Variants in ACAT1 observed in about 807,000 individuals in gnomAD.
The protein encoded by ACAT1 is acetyl-CoA acetyltransferase 1.
In ACAT1, 28 loss-of-function variants were observed where a neutral mutation model predicts 47.3. That is an observed-to-expected ratio of 0.59 (90% CI 0.44 to 0.81). The LOEUF is 0.81. Ranked by LOEUF, ACAT1 falls within the 30% of genes least tolerant of loss-of-function variation. The pLI, the probability that ACAT1 is intolerant of heterozygous loss-of-function variation, is 0.00. For missense variants in ACAT1, 469 were observed against 524.3 expected, an observed-to-expected ratio of 0.89 and a Z score of 1.03; for synonymous variants, 181 against 173.6, an observed-to-expected ratio of 1.04 and a Z score of -0.34.
chr11:108,135,192 G>C lies in ACAT1; in HGVS notation c.385G>C (p.Gly129Arg). The C allele has an allele frequency of 6.2e-7, 1 of 1,613,858 alleles. No homozygotes were observed. The highest frequency in any genetic ancestry group is 8.5e-7 in the Non-Finnish European group (1 of 1,179,864). ...CTTINKVCAS[G>R]MKAIMMASQS... is the part of the protein sequence containing the mutation. The stretch of plus-strand genomic sequence containing the variant: ...CACCATAAACAAAGTTTGTGCTTCA[G>C]GAATGAAAGCCATCATGATGGCCTC... The change falls in exon 5 of 12, where the codon GGA (glycine) becomes CGA (arginine). Residue 129 changes from glycine to arginine, a missense_variant. Transcript: ENST00000265838.
At chr11:108,136,022 C>G (rs1488048575) in intron 5 of ACAT1, 1 of 593,352 alleles carries the variant, frequency 1.7e-6, no homozygotes, top group East Asian at 2.9e-5. Flanking sequence ...TTAAGTTCTA[C>G]AGGCTTTCTA....
intron 1 of ACAT1, among the ~76,000 whole-genome samples, chr11:108,131,378 G>GTTTTTTTTTT (rs1591359796): frequency 1.5e-4 from 1 of 6,746 alleles, no homozygotes; most frequent in Admixed American, 1.5e-3. Context: ...TTTTTAGACA[G>GTTTTTTTTTT]TCTTGCTTTG....
upstream of ACAT1, among the ~76,000 whole-genome samples, chr11:108,119,444 C>T (rs2077113173): frequency 6.6e-6 from 1 of 152,106 alleles, no homozygotes; most frequent in Non-Finnish European, 1.5e-5. Context: ...TTCAAATGAT[C>T]CACTCACCTG....
In ACAT1 at chr11:108,147,323, A is replaced by G. The variant is rs147872303; in HGVS notation, c.1217A>G (p.Glu406Gly). 836 of 1,613,782 alleles carry G rather than the reference A, an allele frequency of 5.2e-4. No individual in the cohort carries two copies. Among genetic ancestry groups the G allele is most frequent in the Non-Finnish European group, 6.4e-4 (755 of 1,179,948 alleles). ...TTGACTCATGCCTTGAAGCAAGGAG[A>G]ATACGGTCTTGCCAGTATTTGCAAT... ...GHLTHALKQG[E>G]YGLASICNGG... Residue 406 changes from glutamate to glycine, a missense_variant, in exon 12 of 12, where the codon GAA becomes GGA. Coordinates refer to ENST00000265838, the MANE Select transcript of ACAT1 (RefSeq NM_000019.4).
At chr11:108,141,455 T>C in intron 7 of ACAT1, 150 bp from the exon 8 acceptor site, 1 of 630,802 alleles carries the variant, frequency 1.6e-6, no homozygotes, top group Non-Finnish European at 2.8e-6. Flanking sequence ...AGGTTATAGT[T>C]AACAGATTCT....
chr11:108,145,213 CAG>C (rs760981317), intron 10 of ACAT1, among the ~76,000 whole-genome samples: 2 of 152,268 alleles, frequency 1.3e-5, no homozygotes, highest in Non-Finnish European at 2.9e-5. Flanking sequence ...CAAAACAAAA[CAG>C]ATCATATAGT....
At chr11:108,142,874 C>A in intron 9 of ACAT1, 1 of 281,370 alleles carries the variant, frequency 3.6e-6, no homozygotes, top group Non-Finnish European at 7.0e-6. Flanking sequence ...ATAAGCTCTT[C>A]ATGAAATTGA....
chr11:108,140,031 A>G, intron 6 of ACAT1, 34 bp from the exon 7 acceptor site: 1 of 1,597,226 alleles, frequency 6.3e-7, no homozygotes, highest in Non-Finnish European at 8.5e-7. Flanking sequence ...AAATTATGCA[A>G]AGTTAACTTT....
rs775668624 is a variant in ACAT1 at position 108,121,628 on chromosome 11, C to G, written c.22C>G (p.Leu8Val). The G allele has an allele frequency of 1.3e-6, 2 of 1,550,782 alleles. No individual in the cohort carries two copies. The highest frequency in any genetic ancestry group is 3.9e-5 in the Admixed American group (2 of 51,144). MAVLAAL[L>V]RSGARSRSPL... is the part of the protein sequence containing the mutation. ...GACCATGGCTGTGCTGGCGGCACTT[C>G]TGCGCAGCGGCGCCCGCAGCCGCAG... Residue 8 changes from leucine to valine, a missense_variant, in exon 1 of 12, where the codon CTG (leucine) becomes GTG (valine). Leu to Val is a conservative substitution (Grantham distance 32, BLOSUM62 1). Coordinates refer to ENST00000265838, the MANE Select transcript of ACAT1 (RefSeq NM_000019.4).
chr11:108,127,878 A>G (rs1203450427), intron 1 of ACAT1: 3 of 152,244 alleles, frequency 2.0e-5, no homozygotes, highest in Non-Finnish European at 4.4e-5. Flanking sequence ...TTGCTCAAAA[A>G]TACTCAGCTT....
intron 9 of ACAT1, 194 bp from the exon 10 acceptor site, chr11:108,143,789 C>T (rs551243053): frequency 1.8e-5 from 3 of 162,808 alleles, no homozygotes; most frequent in Non-Finnish European, 3.8e-5. Flanking sequence ...AAACTCCCCC[C>T]CAATGAAAAT....
chr11:108,139,976 A>C, intron 6 of ACAT1, 89 bp from the exon 7 acceptor site: 1 of 1,443,634 alleles, frequency 6.9e-7, no homozygotes, highest in Non-Finnish European at 9.5e-7. Context: ...AAGAAACGTT[A>C]ACTATTAAAC....
upstream of ACAT1, among the ~76,000 whole-genome samples, chr11:108,120,814 T>C (rs2077134114): frequency 6.6e-6 from 1 of 152,134 alleles, no homozygotes; most frequent in Admixed American, 6.6e-5. Context: ...ATCCCAGCAC[T>C]TTGAGAGGCT....
chr11:108,121,534 C>T (rs1201621928), upstream of ACAT1: 9 of 1,485,088 alleles, frequency 6.1e-6, no homozygotes, highest in Admixed American at 1.2e-4. Context: ...CGCGCCGGGC[C>T]GCTAGGGGTG....
chr11:108,121,757 G>A, intron 1 of ACAT1, 79 bp downstream of exon 1: 1 of 1,492,276 alleles, frequency 6.7e-7, no homozygotes, highest in Non-Finnish European at 9.1e-7. Flanking sequence ...GCCCGCGGCC[G>A]TTGCGGCTCC....
At chr11:108,144,360 T>C (rs2077657679) in intron 10 of ACAT1, 1 of 368,794 alleles carries the variant, frequency 2.7e-6, no homozygotes, top group South Asian at 3.2e-5. Context: ...TGCTGGCTGA[T>C]GGTTCCAGAT....
intron 8 of ACAT1, 125 bp downstream of exon 8, chr11:108,141,825 T>C: frequency 1.4e-6 from 1 of 697,206 alleles, no homozygotes. Context: ...ATTTTCAGTA[T>C]ATCAGGCTCA....
intron 1 of ACAT1, chr11:108,122,055 A>G (rs2077161086): frequency 3.1e-6 from 1 of 324,688 alleles, no homozygotes; most frequent in Non-Finnish European, 5.7e-6. Context: ...TTTTCTTTAA[A>G]ACATATTTGT....
chr11:108,119,660 TCTCA>T (rs1461157041), upstream of ACAT1, among the ~76,000 whole-genome samples: 1 of 151,418 alleles, frequency 6.6e-6, no homozygotes, highest in African/African-American at 2.4e-5. Flanking sequence ...TCTCTCTCTC[TCTCA>T]CACACACACA....
Sources: allele counts gnomAD v4.1 joint callset (sites outside exome capture counted in the v4.1 genomes callset), GRCh38; gene constraint gnomAD v4.1.1; transcripts MANE v1.5; gene names NCBI Gene and HGNC (gene_info 2026-07-23, HGNC 2026-07-21).